KLF8: variants seen among roughly 807,000 people sequenced by gnomAD.
KLF8 encodes the protein Krueppel-like factor 8.
A neutral mutation model predicts 18.2 loss-of-function variants in KLF8; 10 were observed. The ratio of observed to expected loss-of-function variants is 0.55; its 90% CI spans 0.34 to 0.93. The LOEUF (loss-of-function observed/expected upper bound fraction) is 0.93. KLF8 is among the 40% of genes least tolerant of loss of function. KLF8 has a pLI of 0.02. For synonymous variants in KLF8, 109 were observed against 97.3 expected (o/e 1.12, Z -0.71); for missense variants, 264 against 277.9 (o/e 0.95, Z 0.36).
At chrX:55,985,705 A>G in the KLF8 span, among the ~76,000 whole-genome samples, 1 of 109,857 alleles carries the variant, frequency 9.1e-6, no homozygotes, top group Middle Eastern at 4.6e-3. Flanking sequence ...CATTGAATCT[A>G]TAAATTACCT....
chrX:56,033,780 A>G, the KLF8 span, among the ~76,000 whole-genome samples: 2 of 111,765 alleles, frequency 1.8e-5, no homozygotes, highest in African/African-American at 6.5e-5. Flanking sequence ...CATTTTTTTC[A>G]TGTACCTGTT....
intron 5 of KLF8, among the ~76,000 whole-genome samples, chrX:56,277,351 T>A (rs2067136299): frequency 8.9e-6 from 1 of 112,277 alleles, no homozygotes. Context: ...ATCTAAGCCA[T>A]CTCTGCATTA....
At chrX:56,164,182 G>T in the KLF8 span, among the ~76,000 whole-genome samples, 1 of 104,111 alleles carries the variant, frequency 9.6e-6, no homozygotes, top group African/African-American at 3.5e-5. Flanking sequence ...AAATAGGTTA[G>T]ATTTCACTTA....
the KLF8 span, among the ~76,000 whole-genome samples, chrX:56,177,218 A>G: frequency 9.1e-6 from 1 of 110,374 alleles, no homozygotes; most frequent in Non-Finnish European, 1.9e-5. Context: ...CTGTTTGTTC[A>G]CCATCTTTGT....
the KLF8 span, among the ~76,000 whole-genome samples, chrX:56,075,671 C>A: frequency 8.9e-6 from 1 of 111,738 alleles, no homozygotes; most frequent in East Asian, 2.8e-4. Context: ...ACCCCACCTA[C>A]CCTTCCCAGC....
chrX:56,119,438 C>T, the KLF8 span, among the ~76,000 whole-genome samples: 3 of 111,003 alleles, frequency 2.7e-5, no homozygotes, highest in Admixed American at 9.6e-5. Flanking sequence ...GAGTCTCCTT[C>T]TGTCACCCAG....
intron 5 of KLF8, among the ~76,000 whole-genome samples, chrX:56,274,399 G>A (rs905904948): frequency 9.0e-6 from 1 of 111,537 alleles, no homozygotes; most frequent in Non-Finnish European, 1.9e-5. Context: ...CTCTTTGTAT[G>A]TTCTGATTAT....
chrX:56,191,785 T>C, the KLF8 span, among the ~76,000 whole-genome samples: 1 of 111,463 alleles, frequency 9.0e-6, no homozygotes, highest in African/African-American at 3.3e-5. Flanking sequence ...CATAACTTTA[T>C]GTTAAAAATT....
chrX:56,068,239 C>T, the KLF8 span, among the ~76,000 whole-genome samples: 2 of 111,602 alleles, frequency 1.8e-5, no homozygotes, highest in African/African-American at 6.5e-5. Context: ...TTCCTGTTGT[C>T]CTGGAAAATA....
chrX:55,959,540 C>G, the KLF8 span, among the ~76,000 whole-genome samples: 1 of 111,695 alleles, frequency 9.0e-6, no homozygotes, highest in African/African-American at 3.3e-5. Context: ...GATGATGTAG[C>G]TATTTTAAGA....
the KLF8 span, among the ~76,000 whole-genome samples, chrX:56,061,747 T>G: frequency 9.0e-6 from 1 of 110,983 alleles, no homozygotes; most frequent in Non-Finnish European, 1.9e-5. Context: ...ACCTGTCTAA[T>G]ATTGATAGTG....
At chrX:56,256,954 C>T (rs1255423106) in intron 2 of KLF8, among the ~76,000 whole-genome samples, 5 of 112,039 alleles carry the variant, frequency 4.5e-5, no homozygotes, top group Admixed American at 9.4e-5. Flanking sequence ...CTGTCTGCCT[C>T]GGCCTCCCAA....
the KLF8 span, among the ~76,000 whole-genome samples, chrX:56,028,810 A>G: frequency 1.8e-5 from 2 of 110,902 alleles, no homozygotes; most frequent in African/African-American, 3.3e-5. Context: ...CTTCAAGTCC[A>G]GGCAAGTGAA....
At chrX:55,955,385 G>A in the KLF8 span, among the ~76,000 whole-genome samples, 1 of 111,265 alleles carries the variant, frequency 9.0e-6, no homozygotes. Flanking sequence ...ATCGTGAAAG[G>A]CCTTGTAAGC....
the KLF8 span, among the ~76,000 whole-genome samples, chrX:56,097,531 A>T: frequency 9.4e-6 from 1 of 106,424 alleles, no homozygotes; most frequent in African/African-American, 3.4e-5. Flanking sequence ...TATTATTATT[A>T]TTATACTTTA....
At chrX:55,912,182 T>G in the KLF8 span, among the ~76,000 whole-genome samples, 2 of 111,506 alleles carry the variant, frequency 1.8e-5, no homozygotes, top group African/African-American at 6.5e-5. Flanking sequence ...ATTCAGAAAC[T>G]CATACTGATT....
chrX:56,076,197 A>G, the KLF8 span, among the ~76,000 whole-genome samples: 28 of 108,782 alleles, frequency 2.6e-4, no homozygotes, highest in South Asian at 1.2e-3. Flanking sequence ...TGTGCAGGTT[A>G]GTTACATATG....
chrX:55,928,341 G>A, the KLF8 span, among the ~76,000 whole-genome samples: 2 of 111,165 alleles, frequency 1.8e-5, no homozygotes, highest in South Asian at 3.8e-4. Flanking sequence ...TGTCTGCTGA[G>A]TTTCCCCACT....
chrX:55,930,824 G>A, the KLF8 span, among the ~76,000 whole-genome samples: 1 of 111,418 alleles, frequency 9.0e-6, no homozygotes, highest in African/African-American at 3.3e-5. Context: ...ATGTTCATCA[G>A]GCATATTGGC....
Sources: gnomAD v4.1 joint callset for allele counts (sites outside exome capture counted in the v4.1 genomes callset) on GRCh38, gnomAD v4.1.1 for gene constraint, MANE v1.5 for transcripts, NCBI Gene and HGNC (gene_info 2026-07-23, HGNC 2026-07-21) for gene names.